THSD4: variants seen among roughly 807,000 people sequenced by gnomAD.
THSD4 encodes thrombospondin type 1 domain containing 4, also known as thrombospondin type-1 domain-containing protein 4.
Under a neutral mutation model 119.0 loss-of-function variants are expected in THSD4, and 69 were observed. That is an observed-to-expected ratio of 0.58 (90% CI 0.48 to 0.71). THSD4 has a LOEUF of 0.71. Among genes scored for constraint, THSD4 ranks in the 30% least tolerant of loss-of-function variants. The pLI, the probability that THSD4 is intolerant of heterozygous loss-of-function variation, is 0.00. For missense variants in THSD4, 1,393 were observed against 1,391.1 expected (o/e 1.00, Z -0.02); for synonymous variants, 524 against 540.4 (o/e 0.97, Z 0.42).
At chr15:71,345,320 A>G (rs1814967243) in intron 6 of THSD4, among the ~76,000 whole-genome samples, 1 of 151,356 alleles carries the variant, frequency 6.6e-6, no homozygotes, top group Non-Finnish European at 1.5e-5. Context: ...ATCCTGGGCC[A>G]GAGGGTATGT....
At chr15:71,688,203 C>G (rs528682607) in intron 8 of THSD4, among the ~76,000 whole-genome samples, 105 of 152,320 alleles carry the variant, frequency 6.9e-4, no homozygotes, top group African/African-American at 2.5e-3. Flanking sequence ...TGGTGGGAAG[C>G]CTTTACAAGC....
At chr15:71,477,584 T>C (rs780701676) in intron 7 of THSD4, among the ~76,000 whole-genome samples, 1 of 152,166 alleles carries the variant, frequency 6.6e-6, no homozygotes, top group Non-Finnish European at 1.5e-5. Context: ...GCTGCTTCCT[T>C]TTCTTCTTGA....
At chr15:71,172,704 T>TATATATGTGAC (rs1567145375) in intron 3 of THSD4, among the ~76,000 whole-genome samples, 3 of 107,732 alleles carry the variant, frequency 2.8e-5, no homozygotes, top group African/African-American at 1.4e-4. Context: ...TATATATATA[T>TATATATGTGAC]ATATATATAT....
intron 7 of THSD4, among the ~76,000 whole-genome samples, chr15:71,527,753 C>T (rs1205280313): frequency 9.7e-6 from 1 of 102,660 alleles, no homozygotes; most frequent in African/African-American, 3.6e-5. Context: ...CACTTTGTTG[C>T]CCAGGCTGGA....
At chr15:71,623,386 C>G (rs1422227456) in intron 7 of THSD4, among the ~76,000 whole-genome samples, 1 of 152,156 alleles carries the variant, frequency 6.6e-6, no homozygotes, top group African/African-American at 2.4e-5. Context: ...TTAATCCCGT[C>G]TTACAGAAGA....
chr15:71,370,565 G>T (rs867256446), intron 6 of THSD4, among the ~76,000 whole-genome samples: 30 of 152,320 alleles, frequency 2.0e-4, no homozygotes, highest in Admixed American at 1.3e-3. Context: ...GGAGCAGGTT[G>T]TTCAGTTTCC....
intron 6 of THSD4, among the ~76,000 whole-genome samples, chr15:71,315,824 G>A (rs1040132721): frequency 6.6e-5 from 10 of 152,108 alleles, no homozygotes; most frequent in African/African-American, 2.4e-4. Flanking sequence ...TGGGGAAATA[G>A]GAGCACAAGG....
Position 71,215,073 on chromosome 15 carries a change from C to G in THSD4, c.138C>G (p.Asp46Glu). Residue 46 changes from aspartate (D) to glutamate (E), a missense_variant, in exon 4 of 18, where the codon GAC becomes GAG. Asp to Glu is a conservative substitution (Grantham distance 45). Transcript: ENST00000261862. The stretch of plus-strand genomic sequence containing the variant: ...TGGCGGCGGAGGGCGCCCCCGAGGA[C>G]GACGGCGGCGGCGGCGCCCCGGGAG... ...QRMAAEGAPE[D>E]DGGGGAPGVW... The G allele has an allele frequency of 7.7e-7, 1 of 1,300,978 alleles. No individual in the cohort carries two copies. Among genetic ancestry groups the G allele is most frequent in the South Asian group, 2.5e-5 (1 of 39,732 alleles). The allele number at this position is 1,300,978 out of a possible 1,614,324, so 80.6% of individuals were successfully genotyped here.
intron 7 of THSD4, among the ~76,000 whole-genome samples, chr15:71,524,044 A>G (rs1020295203): frequency 3.3e-5 from 5 of 152,248 alleles, no homozygotes; most frequent in Non-Finnish European, 2.9e-5. Context: ...TTACTTGACC[A>G]TAGGCCTGCT....
At chr15:71,363,742 A>T (rs2045922985) in intron 6 of THSD4, among the ~76,000 whole-genome samples, 1 of 152,150 alleles carries the variant, frequency 6.6e-6, no homozygotes, top group South Asian at 2.1e-4. Context: ...TGCTTAGGAT[A>T]ATTGGCCTCT....
chr15:71,214,888 T>C (rs2043917514), intron 3 of THSD4, 147 bp from the exon 4 acceptor site: 1 of 1,184,406 alleles, frequency 8.4e-7, no homozygotes, highest in African/African-American at 1.6e-5. Flanking sequence ...AAAAACCGAC[T>C]CTAAGCCAGG....
intron 3 of THSD4, among the ~76,000 whole-genome samples, chr15:71,196,295 C>T (rs1485209455): frequency 1.3e-5 from 2 of 152,276 alleles, no homozygotes; most frequent in Middle Eastern, 3.4e-3. Flanking sequence ...ACATTGAAAC[C>T]ATAGCAGCCA....
At chr15:71,722,644 C>T (rs961664367) in intron 8 of THSD4, among the ~76,000 whole-genome samples, 2 of 152,096 alleles carry the variant, frequency 1.3e-5, no homozygotes, top group Non-Finnish European at 2.9e-5. Context: ...CTGCTTGTAC[C>T]ATGTCCGTTA....
chr15:71,638,726 A>G (rs2050798451), intron 7 of THSD4, among the ~76,000 whole-genome samples: 2 of 152,214 alleles, frequency 1.3e-5, no homozygotes, highest in South Asian at 4.1e-4. Flanking sequence ...TTGTCATGAA[A>G]TTCTACTTAA....
rs187236646 is a variant in THSD4, at chr15:71,614,967, G to A, written c.1153-45563G>A. ...TGCTTCCCTCCACGAGTTCTTAGAA[G>A]CCTGTGCATGAGGTGTTGCGCGGAA... On this transcript the variant is annotated intron_variant, in intron 7 of 17. Coordinates refer to ENST00000261862, the MANE Select transcript of THSD4 (RefSeq NM_024817.3). Among the ~76,000 whole-genome samples the A allele has an allele frequency of 2.4e-3, 370 of 152,312 alleles. 2 individuals carry two copies. Among genetic ancestry groups the A allele is most frequent in the Non-Finnish European group, 4.7e-3 (321 of 68,036 alleles).
chr15:71,375,986 A>C (rs1323557974), intron 6 of THSD4, among the ~76,000 whole-genome samples: 1 of 152,216 alleles, frequency 6.6e-6, no homozygotes, highest in Non-Finnish European at 1.5e-5. Flanking sequence ...GTACTGTCAC[A>C]TACCGACTAG....
At chr15:71,190,938 C>G (rs2043666212) in intron 3 of THSD4, among the ~76,000 whole-genome samples, 1 of 152,118 alleles carries the variant, frequency 6.6e-6, no homozygotes, top group Non-Finnish European at 1.5e-5. Context: ...ACTCGCGTCC[C>G]CCTTCATGGC....
chr15:71,542,476 T>C (rs1173249764), intron 7 of THSD4, among the ~76,000 whole-genome samples: 1 of 152,174 alleles, frequency 6.6e-6, no homozygotes, highest in African/African-American at 2.4e-5. Context: ...GTAAGTCATA[T>C]TGAAATAGAA....
At chr15:71,620,604 G>A (rs2050403551) in intron 7 of THSD4, among the ~76,000 whole-genome samples, 1 of 152,088 alleles carries the variant, frequency 6.6e-6, no homozygotes, top group African/African-American at 2.4e-5. Context: ...TATTCTTGCT[G>A]ATTAACTCAG....
Sources: gnomAD v4.1 joint callset for allele counts (sites outside exome capture counted in the v4.1 genomes callset) on GRCh38, gnomAD v4.1.1 for gene constraint, MANE v1.5 for transcripts, NCBI Gene and HGNC (gene_info 2026-07-23, HGNC 2026-07-21) for gene names.